Variants in CTNNA3 observed in about 807,000 individuals in gnomAD.
The protein encoded by CTNNA3 is catenin alpha 3.
CTNNA3 carries 76 observed loss-of-function variants against 95.7 expected under a neutral mutation model. The observed-to-expected ratio is 0.79, with a 90% CI of 0.66 to 0.96. CTNNA3 has a LOEUF of 0.96. Ranked by LOEUF, CTNNA3 falls within the 40% of genes least tolerant of loss-of-function variation. The pLI, the probability that CTNNA3 is intolerant of heterozygous loss-of-function variation, is 0.00. For missense variants in CTNNA3, 1,191 were observed against 1,089.8 expected (o/e 1.09, Z -1.31); for synonymous variants, 431 against 374.4 (o/e 1.15, Z -1.74).
chr10:65,969,847 T>G, intron 16 of CTNNA3, among the ~76,000 whole-genome samples: 1 of 152,056 alleles, frequency 6.6e-6, no homozygotes, highest in East Asian at 1.9e-4. Context: ...GAAAAAATAC[T>G]TGAAGTGATA....
At chr10:66,628,472 C>T (rs980242603) in intron 9 of CTNNA3, among the ~76,000 whole-genome samples, 1 of 152,020 alleles carries the variant, frequency 6.6e-6, no homozygotes, top group Admixed American at 6.6e-5. Context: ...TTCAGTCTGA[C>T]TGTGTATATT....
rs1210033244 is a variant in CTNNA3 at position 67,573,397 on chromosome 10, G to A, written c.292+33460C>T. Among the ~76,000 whole-genome samples, 4 of 152,038 alleles carry A rather than the reference G, an allele frequency of 2.6e-5. No homozygotes were observed. The East Asian group carries it at 7.7e-4, about 29-fold the overall frequency. ...GAGAAGGGTGACTGATAAGTCTTGA[G>A]GTACATGGAAGAGACAACATTCCAT... On this transcript the variant is annotated intron_variant, in intron 3 of 17. Transcript: ENST00000433211.
intron 3 of CTNNA3, among the ~76,000 whole-genome samples, chr10:67,593,586 G>C (rs2394407): frequency 0.23 from 34,637 of 152,006 alleles, 7,287 homozygotes; most frequent in African/African-American, 0.56. Context: ...AGAAATGCTG[G>C]TGATTTTTGT....
chr10:67,200,160 G>A (rs980398527), intron 6 of CTNNA3, among the ~76,000 whole-genome samples: 6 of 152,012 alleles, frequency 3.9e-5, no homozygotes, highest in Admixed American at 2.6e-4. Context: ...GAAGAAATTG[G>A]CTGAATTTTT....
intron 15 of CTNNA3, among the ~76,000 whole-genome samples, chr10:66,015,709 T>C (rs2079082221): frequency 6.6e-6 from 1 of 152,188 alleles, no homozygotes; most frequent in Non-Finnish European, 1.5e-5. Context: ...AACTTTTTCA[T>C]TACCTACATA....
At chr10:66,800,866 A>G (rs1841402260) in intron 7 of CTNNA3, among the ~76,000 whole-genome samples, 1 of 151,374 alleles carries the variant, frequency 6.6e-6, no homozygotes, top group Admixed American at 6.6e-5. Flanking sequence ...GCATAAGCCT[A>G]TTCAAGAAAA....
At chr10:66,287,334 T>G (rs1427989045) in intron 12 of CTNNA3, among the ~76,000 whole-genome samples, 2 of 152,104 alleles carry the variant, frequency 1.3e-5, no homozygotes, top group Admixed American at 1.3e-4. Context: ...TGTCTCTTAC[T>G]TTACTGTATG....
At chr10:66,274,679 A>G (rs751139788) in intron 13 of CTNNA3, among the ~76,000 whole-genome samples, 6 of 152,136 alleles carry the variant, frequency 3.9e-5, no homozygotes, top group Non-Finnish European at 8.8e-5. Flanking sequence ...AACTTTATTA[A>G]TATCTAATTT....
At chr10:66,651,127 C>T (rs1157390926) in intron 9 of CTNNA3, among the ~76,000 whole-genome samples, 1 of 152,162 alleles carries the variant, frequency 6.6e-6, no homozygotes, top group Admixed American at 6.5e-5. Flanking sequence ...CTGATTGGTA[C>T]ATTTACAAAC....
At chr10:66,857,742 T>C (rs1418214650) in intron 7 of CTNNA3, among the ~76,000 whole-genome samples, 1 of 152,060 alleles carries the variant, frequency 6.6e-6, no homozygotes, top group Non-Finnish European at 1.5e-5. Context: ...TTAGTGATTT[T>C]TGTACGTTGA....
chr10:66,189,968 C>T lies in CTNNA3; in HGVS notation c.1885-86719G>A, dbSNP rs187896357. On this transcript the variant is annotated intron_variant, in intron 13 of 17. Coordinates refer to ENST00000433211, the MANE Select transcript of CTNNA3 (RefSeq NM_013266.4). ...GCACCAATATACTTAAAATGGCAGT[C>T]CCACAAAGAGAGGAGAAAGAGAAAA... is the stretch of plus-strand genomic sequence containing the variant. 4.6e-5 allele frequency among the ~76,000 whole-genome samples: 7 copies of T among 151,584 alleles called. No individual in the cohort carries two copies. In the East Asian group the frequency reaches 1.4e-3, roughly 29 times the overall value.
At chr10:67,131,592 T>C (rs886093171) in intron 7 of CTNNA3, among the ~76,000 whole-genome samples, 9 of 152,096 alleles carry the variant, frequency 5.9e-5, no homozygotes, top group African/African-American at 2.2e-4. Context: ...TTCTTCAGTA[T>C]GTGTCTCCAT....
In CTNNA3 at chr10:66,798,634, T is replaced by C. The variant is rs117718849; in HGVS notation, c.1048-23110A>G. Among the ~76,000 whole-genome samples, 1,152 of 151,696 alleles carry C rather than the reference T, an allele frequency of 7.6e-3. 9 individuals carry two copies. Among genetic ancestry groups the C allele is most frequent in the Non-Finnish European group, 0.01 (707 of 67,690 alleles). The stretch of plus-strand genomic sequence containing the variant: ...AAAATGGGTAGAAAAGAGAAGAACT[T>C]GGAAATAGTGCATTGAATTCTAGGA... On this transcript the variant is annotated intron_variant, in intron 7 of 17. Transcript: ENST00000433211.
At chr10:67,283,462 A>G (rs1330365340) in intron 5 of CTNNA3, among the ~76,000 whole-genome samples, 1 of 152,158 alleles carries the variant, frequency 6.6e-6, no homozygotes, top group African/African-American at 2.4e-5. Flanking sequence ...TCAAGTGACT[A>G]TGTGTACAAC....
chr10:66,534,747 C>G (rs907186930), intron 10 of CTNNA3, among the ~76,000 whole-genome samples: 9 of 150,298 alleles, frequency 6.0e-5, no homozygotes, highest in African/African-American at 2.2e-4. Context: ...TACTGAATAG[C>G]AAAGATCATT....
intron 5 of CTNNA3, among the ~76,000 whole-genome samples, chr10:67,223,201 G>C (rs1864737663): frequency 6.6e-6 from 1 of 152,138 alleles, no homozygotes; most frequent in African/African-American, 2.4e-5. Context: ...TTCTCCCAAA[G>C]GACATCAAGC....
chr10:67,139,172 G>A (rs375863987), intron 7 of CTNNA3, among the ~76,000 whole-genome samples: 32 of 151,926 alleles, frequency 2.1e-4, no homozygotes, highest in East Asian at 7.7e-4. Flanking sequence ...TCGCTCTGTC[G>A]CCCAGACTGG....
At chr10:65,944,786 A>G (rs2077483691) in intron 17 of CTNNA3, among the ~76,000 whole-genome samples, 1 of 152,180 alleles carries the variant, frequency 6.6e-6, no homozygotes, top group South Asian at 2.1e-4. Context: ...AGACTCCAGT[A>G]ATTGCTTAAA....
chr10:66,625,953 G>A (rs7903962), intron 9 of CTNNA3, among the ~76,000 whole-genome samples: 61,723 of 151,510 alleles, frequency 0.41, 12,701 homozygotes, highest in Middle Eastern at 0.54. Context: ...AGCCAGGGAC[G>A]GCAATGAAAC....
Sources: gnomAD v4.1 joint callset for allele counts (sites outside exome capture counted in the v4.1 genomes callset) on GRCh38, gnomAD v4.1.1 for gene constraint, MANE v1.5 for transcripts, NCBI Gene and HGNC (gene_info 2026-07-23, HGNC 2026-07-21) for gene names.